OSBPL1A: variants seen among roughly 807,000 people sequenced by gnomAD.
OSBPL1A encodes the protein oxysterol-binding protein-related protein 1.
A neutral mutation model predicts 137.1 loss-of-function variants in OSBPL1A; 80 were observed. The observed-to-expected ratio is 0.58, with a 90% CI of 0.49 to 0.70. The LOEUF is 0.70. Ranked by LOEUF, OSBPL1A falls within the 30% of genes least tolerant of loss-of-function variation. The pLI is 0.00. For synonymous variants in OSBPL1A, 365 were observed against 389.7 expected (o/e 0.94, Z 0.75); for missense variants, 970 against 1,129.4 (o/e 0.86, Z 2.02).
chr18:24,349,729 G>GAAAAAAA (rs80193998), intron 4 of OSBPL1A, among the ~76,000 whole-genome samples: 8 of 65,800 alleles, frequency 1.2e-4, no homozygotes, highest in East Asian at 9.7e-4. Flanking sequence ...AAAGAAAAAA[G>GAAAAAAA]AAAAAAAAAA....
intron 7 of OSBPL1A, 75 bp downstream of exon 7, chr18:24,332,867 A>G: frequency 6.4e-7 from 1 of 1,552,372 alleles, no homozygotes; most frequent in Non-Finnish European, 8.8e-7. Context: ...TACTGAAACA[A>G]AACAATTTTA....
intron 17 of OSBPL1A, among the ~76,000 whole-genome samples, chr18:24,207,172 C>T (rs1416990757): frequency 6.6e-6 from 1 of 152,192 alleles, no homozygotes; most frequent in African/African-American, 2.4e-5. Flanking sequence ...CAACCTCCGC[C>T]TCCCAGGTTC....
In OSBPL1A at chr18:24,181,405, A is replaced by G. The variant is rs139857104; in HGVS notation, c.1678-126T>C. 3.9e-5 allele frequency: 41 copies of G among 1,045,922 alleles called. No homozygotes were observed. The African/African-American group carries it at 5.0e-4, about 13-fold the overall frequency. 64.8% of individuals were successfully genotyped at this position (1,045,922 alleles called of 1,614,324 possible). ...ACTAGCAACCCATGAAATTTCATCA[A>G]TATTGGTTCAATTTCACAAATTCTT... On this transcript the variant is annotated intron_variant, in intron 18 of 27. Transcript: ENST00000319481.
intron 2 of OSBPL1A, among the ~76,000 whole-genome samples, chr18:24,376,219 A>G (rs1443793737): frequency 6.6e-6 from 1 of 152,150 alleles, no homozygotes; most frequent in Non-Finnish European, 1.5e-5. Context: ...CTGTTTTGAC[A>G]GGGTGCTGAT....
At chr18:24,350,533 C>T (rs2091420774) in intron 4 of OSBPL1A, among the ~76,000 whole-genome samples, 1 of 152,032 alleles carries the variant, frequency 6.6e-6, no homozygotes, top group South Asian at 2.1e-4. Flanking sequence ...CTAAAGTGGT[C>T]CTCCCTCCTT....
chr18:24,334,630 A>G (rs1268252860), intron 5 of OSBPL1A, among the ~76,000 whole-genome samples: 1 of 152,206 alleles, frequency 6.6e-6, no homozygotes, highest in Non-Finnish European at 1.5e-5. Context: ...TTTGCCTTGG[A>G]AAGGTAGGTA....
intron 15 of OSBPL1A, among the ~76,000 whole-genome samples, chr18:24,250,461 C>T (rs2089053829): frequency 6.6e-6 from 1 of 152,200 alleles, no homozygotes; most frequent in Non-Finnish European, 1.5e-5. Context: ...CAGGCGTGAG[C>T]CACTGCACCC....
At chr18:24,183,069 C>T (rs74998786) in intron 18 of OSBPL1A, among the ~76,000 whole-genome samples, 1 of 151,946 alleles carries the variant, frequency 6.6e-6, no homozygotes, top group Non-Finnish European at 1.5e-5. Context: ...CAGGGTTTCA[C>T]CATGTTGGTC....
chr18:24,374,581 G>C (rs1208242314), intron 2 of OSBPL1A, among the ~76,000 whole-genome samples: 2 of 152,140 alleles, frequency 1.3e-5, no homozygotes, highest in African/African-American at 4.8e-5. Flanking sequence ...GTGTCCTGAG[G>C]GAAGGCTGCA....
At chr18:24,360,022 C>T (rs970928424) in intron 4 of OSBPL1A, among the ~76,000 whole-genome samples, 4 of 152,126 alleles carry the variant, frequency 2.6e-5, no homozygotes, top group Non-Finnish European at 4.4e-5. Flanking sequence ...GGCTGGAGTG[C>T]GATGGCGCGA....
At chr18:24,388,800 CAAA>C (rs57143270) in intron 1 of OSBPL1A, among the ~76,000 whole-genome samples, 36 of 82,806 alleles carry the variant, frequency 4.3e-4, no homozygotes, top group African/African-American at 7.6e-4. Context: ...GACTCTGTCT[CAAA>C]AAAAAAAAAA....
intron 1 of OSBPL1A, among the ~76,000 whole-genome samples, chr18:24,384,918 A>G (rs1250451954): frequency 6.6e-6 from 1 of 151,278 alleles, no homozygotes; most frequent in Non-Finnish European, 1.5e-5. Flanking sequence ...GTAGTTAATC[A>G]ATAACAGTTT....
chr18:24,393,345 C>T (rs1907495583), intron 1 of OSBPL1A, among the ~76,000 whole-genome samples: 1 of 152,250 alleles, frequency 6.6e-6, no homozygotes, highest in Non-Finnish European at 1.5e-5. Flanking sequence ...GCTGAAGCAA[C>T]TGAAAAGCCC....
At chr18:24,274,692 C>A (rs1261613103) in intron 15 of OSBPL1A, among the ~76,000 whole-genome samples, 1 of 152,064 alleles carries the variant, frequency 6.6e-6, no homozygotes, top group Non-Finnish European at 1.5e-5. Context: ...TGTATCACTT[C>A]AGTTCAGAAG....
At chr18:24,393,735 G>A (rs1907534697) in intron 1 of OSBPL1A, among the ~76,000 whole-genome samples, 1 of 152,206 alleles carries the variant, frequency 6.6e-6, no homozygotes, top group South Asian at 2.1e-4. Flanking sequence ...TTACAGGTGT[G>A]AGCCACTGCA....
intron 17 of OSBPL1A, among the ~76,000 whole-genome samples, chr18:24,198,058 G>T (rs747467127): frequency 2.6e-5 from 4 of 152,222 alleles, no homozygotes; most frequent in African/African-American, 4.8e-5. Context: ...AAAGTGCTGG[G>T]ATTACAGGCG....
At position 24,163,836 on chromosome 18, in the gene OSBPL1A, G is replaced by A. The variant is rs1160404097; in HGVS notation, c.2751-555C>T. 1.4e-4 allele frequency among the ~76,000 whole-genome samples: 22 copies of A among 151,826 alleles called. No individual in the cohort carries two copies. In the East Asian group the frequency reaches 2.7e-3, roughly 19 times the overall value. ...CAACCTCTGCCTCCCGGGTGAAAGC[G>A]ATTCTCCTGCCTCAGCCTCCCGAGT... On this transcript the variant is annotated intron_variant, in intron 27 of 27. Coordinates refer to ENST00000319481, the MANE Select transcript of OSBPL1A (RefSeq NM_080597.4).
At chr18:24,173,498 C>T (rs1316225227) in intron 21 of OSBPL1A, among the ~76,000 whole-genome samples, 2 of 152,174 alleles carry the variant, frequency 1.3e-5, no homozygotes, top group Non-Finnish European at 2.9e-5. Flanking sequence ...TTGCAACCTT[C>T]ACCTCCCGGG....
At chr18:24,194,784 A>G (rs922056576) in intron 18 of OSBPL1A, among the ~76,000 whole-genome samples, 1 of 152,188 alleles carries the variant, frequency 6.6e-6, no homozygotes, top group African/African-American at 2.4e-5. Flanking sequence ...ATGGAATGCT[A>G]CTCACGTAGG....
Sources: allele counts gnomAD v4.1 joint callset (sites outside exome capture counted in the v4.1 genomes callset), GRCh38; gene constraint gnomAD v4.1.1; transcripts MANE v1.5; gene names NCBI Gene and HGNC (gene_info 2026-07-23, HGNC 2026-07-21).